The following POU2AF2 variants were observed in gnomAD, a reference collection of about 807,000 sequenced individuals.
The protein encoded by POU2AF2 is POU domain class 2-associating factor 2.
the POU2AF2 span, chr11:111,255,961 G>T: frequency 2.5e-6 from 1 of 399,224 alleles, no homozygotes. Flanking sequence ...CACATTCGTT[G>T]TGACTATTCC....
chr11:111,262,503 G>A, the POU2AF2 span, among the ~76,000 whole-genome samples: 11 of 152,214 alleles, frequency 7.2e-5, no homozygotes. Flanking sequence ...TCTGTGATTT[G>A]CATTTGGATT....
chr11:111,273,226 AT>A, the POU2AF2 span, among the ~76,000 whole-genome samples: 111 of 149,666 alleles, frequency 7.4e-4, no homozygotes, highest in Non-Finnish European at 1.3e-3. Context: ...CTCTATATCC[AT>A]TTTTTTTTTC....
At chr11:111,255,751 G>A in the POU2AF2 span, among the ~76,000 whole-genome samples, 1 of 152,190 alleles carries the variant, frequency 6.6e-6, no homozygotes, top group Non-Finnish European at 1.5e-5. Context: ...GAGCTGTTGT[G>A]TAGATGATGG....
At chr11:111,252,613 A>T in the POU2AF2 span, among the ~76,000 whole-genome samples, 1 of 151,622 alleles carries the variant, frequency 6.6e-6, no homozygotes, top group Admixed American at 6.6e-5. Flanking sequence ...TCTGTATTTC[A>T]GTCTCAGAAG....
the POU2AF2 span, among the ~76,000 whole-genome samples, chr11:111,276,588 G>A: frequency 6.8e-6 from 1 of 147,032 alleles, no homozygotes; most frequent in Non-Finnish European, 1.5e-5. Context: ...GTTGCCGTGA[G>A]CTGAGATTGT....
chr11:111,285,981 A>G, the POU2AF2 span: 2 of 1,613,950 alleles, frequency 1.2e-6, no homozygotes, highest in South Asian at 1.1e-5. Context: ...GGTTCCCTCC[A>G]TGACCCTTCC....
the POU2AF2 span, among the ~76,000 whole-genome samples, chr11:111,269,218 T>C: frequency 6.6e-6 from 1 of 151,984 alleles, no homozygotes; most frequent in African/African-American, 2.4e-5. Flanking sequence ...AAAAAAAATC[T>C]TCCGAGGAGG....
At chr11:111,282,989 T>A in the POU2AF2 span, among the ~76,000 whole-genome samples, 2 of 142,642 alleles carry the variant, frequency 1.4e-5, no homozygotes, top group African/African-American at 5.0e-5. Flanking sequence ...ATTTCACTGC[T>A]GGGCTTACCT....
chr11:111,278,334 G>T, the POU2AF2 span, among the ~76,000 whole-genome samples: 15 of 152,184 alleles, frequency 9.9e-5, no homozygotes, highest in Non-Finnish European at 2.9e-5. Flanking sequence ...CTGAGTTGTT[G>T]GAAGATATTT....
chr11:111,268,176 T>C, the POU2AF2 span, among the ~76,000 whole-genome samples: 1 of 152,154 alleles, frequency 6.6e-6, no homozygotes, highest in East Asian at 1.9e-4. Flanking sequence ...CCTGAGAACA[T>C]AACATGTGGA....
the POU2AF2 span, among the ~76,000 whole-genome samples, chr11:111,252,902 C>T: frequency 1.3e-5 from 2 of 152,110 alleles, no homozygotes; most frequent in Admixed American, 6.5e-5. Flanking sequence ...CTACCTCCTC[C>T]ATTGACATTA....
the POU2AF2 span, among the ~76,000 whole-genome samples, chr11:111,268,011 G>T: frequency 6.6e-6 from 1 of 152,150 alleles, no homozygotes; most frequent in African/African-American, 2.4e-5. Context: ...GCATTCTAAT[G>T]GTGGTGCTAA....
chr11:111,269,528 A>G, the POU2AF2 span, among the ~76,000 whole-genome samples: 1 of 152,146 alleles, frequency 6.6e-6, no homozygotes, highest in South Asian at 2.1e-4. Context: ...GGTTTTTTTA[A>G]TGTCATAAAA....
the POU2AF2 span, among the ~76,000 whole-genome samples, chr11:111,247,685 G>A: frequency 1.3e-5 from 2 of 151,710 alleles, no homozygotes; most frequent in African/African-American, 4.8e-5. Context: ...TACTCGGGAG[G>A]CTGAGGCAGG....
the POU2AF2 span, among the ~76,000 whole-genome samples, chr11:111,268,474 C>CTTTTT: frequency 8.2e-4 from 58 of 70,820 alleles, 3 homozygotes; most frequent in Admixed American, 1.5e-3. Flanking sequence ...CTACATTTTT[C>CTTTTT]TTTTTTTATT....
At chr11:111,257,871 A>G in the POU2AF2 span, among the ~76,000 whole-genome samples, 1 of 152,170 alleles carries the variant, frequency 6.6e-6, no homozygotes, top group Non-Finnish European at 1.5e-5. Context: ...TAATCCCAGC[A>G]CTTTGGGAGA....
At chr11:111,266,134 A>G in the POU2AF2 span, among the ~76,000 whole-genome samples, 1 of 152,218 alleles carries the variant, frequency 6.6e-6, no homozygotes, top group Non-Finnish European at 1.5e-5. Flanking sequence ...GAAGAAAGAA[A>G]TGAAAGTCTG....
chr11:111,249,715 C>T, the POU2AF2 span, among the ~76,000 whole-genome samples: 1 of 152,320 alleles, frequency 6.6e-6, no homozygotes, highest in African/African-American at 2.4e-5. Context: ...CTACTAAATA[C>T]CAGATACTTG....
chr11:111,286,019 G>A, the POU2AF2 span: 1 of 1,613,680 alleles, frequency 6.2e-7, no homozygotes, highest in Non-Finnish European at 8.5e-7. Context: ...TGGGAGTATT[G>A]CCTGGGGGTC....
Sources: gnomAD v4.1 joint callset for allele counts (sites outside exome capture counted in the v4.1 genomes callset) on GRCh38, gnomAD v4.1.1 for gene constraint, MANE v1.5 for transcripts, NCBI Gene and HGNC (gene_info 2026-07-23, HGNC 2026-07-21) for gene names.